Variants in TOX observed in about 807,000 individuals in gnomAD.
The protein encoded by TOX is thymocyte selection-associated high mobility group box protein TOX.
TOX carries 11 observed loss-of-function variants against 53.7 expected under a neutral mutation model. The observed-to-expected ratio is 0.20, with a 90% CI of 0.13 to 0.34. The LOEUF (loss-of-function observed/expected upper bound fraction) is 0.34. TOX is among the 10% of genes least tolerant of loss of function. The pLI is 1.00. For synonymous variants in TOX, 225 were observed against 245.3 expected (o/e 0.92, Z 0.77); for missense variants, 570 against 664.6 (o/e 0.86, Z 1.56).
intron 3 of TOX, among the ~76,000 whole-genome samples, chr8:58,928,989 CT>C (rs1563392094): frequency 6.6e-6 from 1 of 152,052 alleles, no homozygotes; most frequent in African/African-American, 2.4e-5. Context: ...GAAAACAAAA[CT>C]CCCTAAAGGT....
Position 59,119,059 on chromosome 8 carries a change from G to C in TOX, c.-72C>G. On this transcript the variant is annotated 5_prime_UTR_variant, in exon 1 of 9. Coordinates refer to ENST00000361421, the MANE Select transcript of TOX (RefSeq NM_014729.3). ...AAAAGTGTTCAGCAAAACAAGCTTA[G>C]ACGGAACAGAGTGAGGTGTCTGGGC... 14 of 1,049,372 alleles carry C rather than the reference G, an allele frequency of 1.3e-5. No homozygotes were observed. The highest frequency in any genetic ancestry group is 1.9e-5 in the Non-Finnish European group (13 of 696,390). 65.0% of individuals were successfully genotyped at this position (1,049,372 alleles called of 1,614,324 possible).
Position 58,845,566 on chromosome 8 carries a change from C to T in TOX, c.693+5958G>A, listed in dbSNP as rs78025640. On this transcript the variant is annotated intron_variant, in intron 4 of 8. Coordinates refer to ENST00000361421, the MANE Select transcript of TOX (RefSeq NM_014729.3). The stretch of plus-strand genomic sequence containing the variant: ...TTGGGTTTATTATTATCTTTAATAA[C>T]GATACACTCTATGACTCAAAACATC... 9.1e-4 allele frequency among the ~76,000 whole-genome samples: 139 copies of T among 152,118 alleles called. 1 individual carries two copies. Among genetic ancestry groups the T allele is most frequent in the African/African-American group, 3.2e-3 (132 of 41,520 alleles).
intron 1 of TOX, among the ~76,000 whole-genome samples, chr8:59,094,261 G>T (rs1428180939): frequency 6.6e-6 from 1 of 152,124 alleles, no homozygotes; most frequent in Non-Finnish European, 1.5e-5. Context: ...GGAATGTTTT[G>T]ACTTTTTATT....
chr8:58,873,629 T>C (rs1169325946), intron 3 of TOX, among the ~76,000 whole-genome samples: 1 of 152,118 alleles, frequency 6.6e-6, no homozygotes, highest in Non-Finnish European at 1.5e-5. Flanking sequence ...TACTACAATC[T>C]CATGTGTGTC....
chr8:59,069,227 G>A (rs1804148829), intron 1 of TOX, among the ~76,000 whole-genome samples: 1 of 152,172 alleles, frequency 6.6e-6, no homozygotes, highest in African/African-American at 2.4e-5. Context: ...TTAAGTTCAG[G>A]AGTAGAGAGG....
chr8:58,965,782 TGACA>T (rs1044303168), intron 1 of TOX, among the ~76,000 whole-genome samples: 17 of 152,144 alleles, frequency 1.1e-4, no homozygotes, highest in African/African-American at 4.1e-4. Context: ...GGGGTCAATT[TGACA>T]TTTCTTAGAT....
chr8:58,873,667 G>A lies in TOX; in HGVS notation c.412-21862C>T, dbSNP rs535377620. Among the ~76,000 whole-genome samples, 14 of 152,170 alleles carry A rather than the reference G, an allele frequency of 9.2e-5. 1 individual carries two copies. In the South Asian group the frequency reaches 2.1e-3, roughly 23 times the overall value. ...TCAAAGTGCAGCTAAGAATGTTAAC[G>A]GGATGTTTTTCCCTCCCTAAGGGCT... On this transcript the variant is annotated intron_variant, in intron 3 of 8. Coordinates refer to ENST00000361421, the MANE Select transcript of TOX (RefSeq NM_014729.3).
intron 3 of TOX, among the ~76,000 whole-genome samples, chr8:58,915,859 G>T (rs1255586279): frequency 7.8e-6 from 1 of 127,568 alleles, no homozygotes; most frequent in Non-Finnish European, 1.6e-5. Context: ...GTGCTTAAAG[G>T]AGCTGATGGA....
intron 2 of TOX, among the ~76,000 whole-genome samples, chr8:58,950,298 T>C (rs1479753330): frequency 6.6e-6 from 1 of 152,206 alleles, no homozygotes; most frequent in Non-Finnish European, 1.5e-5. Flanking sequence ...ATCATTTTTA[T>C]TTTGTCTCTT....
rs1328706822 is a variant in TOX at position 58,848,914 on chromosome 8, TC to T, written c.693+2609del. On this transcript the variant is annotated intron_variant, in intron 4 of 8. Transcript: ENST00000361421. The stretch of plus-strand genomic sequence containing the variant: ...TAAGAGGAAAGCTTTAAAAGCTTTT[TC>T]TGGTGTGGAACTAAATATTCTTGTT... 2.0e-5 allele frequency among the ~76,000 whole-genome samples: 3 copies of T among 152,050 alleles called. No homozygotes were observed. In the South Asian group the frequency reaches 6.2e-4, roughly 32 times the overall value.
At chr8:59,076,599 T>C (rs1310967054) in intron 1 of TOX, among the ~76,000 whole-genome samples, 1 of 152,224 alleles carries the variant, frequency 6.6e-6, no homozygotes, top group African/African-American at 2.4e-5. Context: ...GTGACTAATA[T>C]AATGGTTATT....
chr8:58,989,458 T>TGCATTC (rs1415891066), intron 1 of TOX, among the ~76,000 whole-genome samples: 1 of 152,112 alleles, frequency 6.6e-6, no homozygotes, highest in Non-Finnish European at 1.5e-5. Flanking sequence ...GAGAGAAGGG[T>TGCATTC]GCATTCCTCT....
chr8:58,868,914 G>A (rs1398175203), intron 3 of TOX, among the ~76,000 whole-genome samples: 1 of 149,518 alleles, frequency 6.7e-6, no homozygotes, highest in Non-Finnish European at 1.5e-5. Flanking sequence ...TGAGAAAGCA[G>A]TAAAATTGAT....
chr8:58,968,771 G>A (rs1310236111), intron 1 of TOX, among the ~76,000 whole-genome samples: 1 of 152,134 alleles, frequency 6.6e-6, no homozygotes, highest in African/African-American at 2.4e-5. Flanking sequence ...AGTATGCTCA[G>A]TTCTAGGAAC....
At position 58,920,880 on chromosome 8, in the gene TOX, GA is replaced by G. The variant is rs1483109175; in HGVS notation, c.411+18421del. Among the ~76,000 whole-genome samples, 18 of 151,636 alleles carry G rather than the reference GA, an allele frequency of 1.2e-4. No individual in the cohort carries two copies. In the East Asian group the frequency reaches 2.1e-3, roughly 18 times the overall value. ...CTCAATATATACTTGTTAGAACTAA[GA>G]AAAAAATTATATATATTTAAAGTAT... is the stretch of plus-strand genomic sequence containing the variant. On this transcript the variant is annotated intron_variant, in intron 3 of 8. Coordinates refer to ENST00000361421, the MANE Select transcript of TOX (RefSeq NM_014729.3).
chr8:58,902,402 C>T (rs555506967), intron 3 of TOX, among the ~76,000 whole-genome samples: 11 of 152,130 alleles, frequency 7.2e-5, no homozygotes, highest in South Asian at 4.2e-4. Flanking sequence ...AGATGCAGGA[C>T]GGGGGGTCCT....
chr8:58,828,882 C>A (rs1810406802), intron 5 of TOX, among the ~76,000 whole-genome samples: 1 of 152,168 alleles, frequency 6.6e-6, no homozygotes, highest in Non-Finnish European at 1.5e-5. Context: ...CTATTCAGGA[C>A]TTTGAAGCAA....
intron 3 of TOX, among the ~76,000 whole-genome samples, chr8:58,896,228 G>C (rs921190505): frequency 6.6e-6 from 1 of 152,056 alleles, no homozygotes; most frequent in Non-Finnish European, 1.5e-5. Context: ...GGAAAACCCT[G>C]GCTGCATAAG....
intron 3 of TOX, among the ~76,000 whole-genome samples, chr8:58,915,112 A>G (rs1231500650): frequency 5.1e-4 from 76 of 150,256 alleles, no homozygotes; most frequent in South Asian, 4.2e-3. Flanking sequence ...CAAGGCGGCA[A>G]CGAGGCTGGG....
Sources: allele counts gnomAD v4.1 joint callset (sites outside exome capture counted in the v4.1 genomes callset), GRCh38; gene constraint gnomAD v4.1.1; transcripts MANE v1.5; gene names NCBI Gene and HGNC (gene_info 2026-07-23, HGNC 2026-07-21).